COL8A2: variants seen among roughly 807,000 people sequenced by gnomAD.
The protein encoded by COL8A2 is collagen alpha-2(VIII) chain.
In COL8A2, 16 loss-of-function variants were observed where a neutral mutation model predicts 24.0. The ratio of observed to expected loss-of-function variants is 0.67; its 90% CI spans 0.45 to 1.01. COL8A2 has a LOEUF of 1.01. Among genes scored for constraint, COL8A2 ranks in the 50% least tolerant of loss-of-function variants. The pLI, the probability that COL8A2 is intolerant of heterozygous loss-of-function variation, is 0.00. For synonymous variants in COL8A2, 466 were observed against 424.5 expected (o/e 1.10, Z -1.20); for missense variants, 818 against 942.4 (o/e 0.87, Z 1.73).
chr1:36,101,916 C>T (rs1046850789), intron 2 of COL8A2, among the ~76,000 whole-genome samples: 6 of 151,902 alleles, frequency 3.9e-5, no homozygotes, highest in Non-Finnish European at 8.8e-5. Context: ...CAGCAGCTCA[C>T]GCCTGTAATC....
intron 2 of COL8A2, among the ~76,000 whole-genome samples, chr1:36,106,524 G>T (rs1380988516): frequency 6.6e-6 from 1 of 152,172 alleles, no homozygotes; most frequent in Non-Finnish European, 1.5e-5. Flanking sequence ...GATGGAAGGG[G>T]CAGAGTGTGT....
At position 36,096,882 on chromosome 1, in the gene COL8A2, C is replaced by T. The variant is rs1380082671; in HGVS notation, c.*687G>A. On this transcript the variant is annotated 3_prime_UTR_variant, in exon 4 of 4. Coordinates refer to ENST00000397799, the MANE Select transcript of COL8A2 (RefSeq NM_005202.4). ...GATGAACGTGAAGAGCTGCCTCCTGCCCCAGGTCTGTGCCCCAAGCCCTCA... is the reference window on the plus strand; with the variant it reads ...GATGAACGTGAAGAGCTGCCTCCTGTCCCAGGTCTGTGCCCCAAGCCCTCA... 2.0e-5 allele frequency: 3 copies of T among 152,946 alleles called. No homozygotes were observed. The highest frequency in any genetic ancestry group is 4.4e-5 in the Non-Finnish European group (3 of 68,634). 9.5% of individuals were successfully genotyped at this position (152,946 alleles called of 1,614,324 possible). A position where few individuals can be genotyped will look rare whatever the true frequency, so the allele number is the denominator to read the frequency against.
At chr1:36,122,075 C>T (rs189842670) in intron 1 of COL8A2, among the ~76,000 whole-genome samples, 21 of 152,294 alleles carry the variant, frequency 1.4e-4, no homozygotes, top group South Asian at 6.2e-4. Context: ...AATAGAAGCA[C>T]GGCCAGGTCC....
At chr1:36,101,089 T>C (rs1421499823) in intron 2 of COL8A2, among the ~76,000 whole-genome samples, 1 of 152,044 alleles carries the variant, frequency 6.6e-6, no homozygotes, top group African/African-American at 2.4e-5. Flanking sequence ...AGATGGAGTT[T>C]CGCCATGTTG....
chr1:36,103,774 AG>A (rs955397870), intron 2 of COL8A2, among the ~76,000 whole-genome samples: 5 of 151,240 alleles, frequency 3.3e-5, no homozygotes, highest in Non-Finnish European at 5.9e-5. Flanking sequence ...AATAGAGATG[AG>A]GGTTCACCAT....
At chr1:36,106,770 C>T (rs1249414507) in intron 2 of COL8A2, among the ~76,000 whole-genome samples, 10 of 152,174 alleles carry the variant, frequency 6.6e-5, no homozygotes, top group Admixed American at 5.9e-4. Context: ...CGCAAGCTGC[C>T]CACCTTTCCT....
chr1:36,100,310 C>G, intron 2 of COL8A2, 52 bp from the exon 3 acceptor site: 1 of 1,485,388 alleles, frequency 6.7e-7, no homozygotes, highest in Non-Finnish European at 9.1e-7. Flanking sequence ...TGGTTTGGCA[C>G]TAGGCCCGGG....
chr1:36,100,126 GGCATAGCCC>G lies in COL8A2; in HGVS notation c.108_116del (p.Gly37_Ala39del), dbSNP rs1369598223. On this transcript the variant is annotated inframe_deletion, in exon 3 of 4. Coordinates refer to ENST00000397799, the MANE Select transcript of COL8A2 (RefSeq NM_005202.4). ...GCATGGGCTGGATGTACTTCACTGGGGCATAGCCCGCCGCCCCACCGGCCCCGCCACCAG... is the reference window on the plus strand; with the variant it reads ...GCATGGGCTGGATGTACTTCACTGGGGCCGCCCCACCGGCCCCGCCACCAG... 2.5e-6 allele frequency: 4 copies of G among 1,612,768 alleles called. No individual in the cohort carries two copies. Among genetic ancestry groups the G allele is most frequent in the Non-Finnish European group, 3.4e-6 (4 of 1,179,568 alleles).
chr1:36,120,474 G>C (rs745590600), intron 1 of COL8A2, among the ~76,000 whole-genome samples: 57 of 151,496 alleles, frequency 3.8e-4, no homozygotes, highest in Non-Finnish European at 7.2e-4. Context: ...AAGAGGACGG[G>C]CACAATGGCT....
chr1:36,104,901 G>A (rs1010441661), intron 2 of COL8A2, among the ~76,000 whole-genome samples: 7 of 152,104 alleles, frequency 4.6e-5, no homozygotes, highest in African/African-American at 1.7e-4. Flanking sequence ...GCTCAGAGTG[G>A]GCTCCCATTA....
intron 2 of COL8A2, among the ~76,000 whole-genome samples, chr1:36,104,407 G>A (rs1482292880): frequency 1.3e-5 from 2 of 152,022 alleles, no homozygotes; most frequent in Non-Finnish European, 2.9e-5. Context: ...CAGGAGAATC[G>A]CTTGAACCAG....
chr1:36,099,253 C>A lies in COL8A2; in HGVS notation c.428G>T (p.Arg143Leu), dbSNP rs773423863. ...KVGPPGQPGL[R>L]GEPGIRGDQG... ...GTCCCCTCGTATTCCTGGCTCCCCC[C>A]GAAGCCCCGGCTGCCCTGGTGGCCC... Residue 143 changes from arginine to leucine, a missense_variant, in exon 4 of 4, where the codon CGG (arginine) becomes CTG (leucine). By Grantham distance (102) the Arg-to-Leu change is moderately radical. Coordinates refer to ENST00000397799, the MANE Select transcript of COL8A2 (RefSeq NM_005202.4). 1.9e-6 allele frequency: 3 copies of A among 1,548,668 alleles called. No individual in the cohort carries two copies.
At chr1:36,109,632 C>T (rs1172050448) in intron 2 of COL8A2, among the ~76,000 whole-genome samples, 2 of 150,714 alleles carry the variant, frequency 1.3e-5, no homozygotes, top group South Asian at 2.1e-4. Flanking sequence ...TGCAGTGGCA[C>T]GATCTCAGCT....
intron 1 of COL8A2, among the ~76,000 whole-genome samples, chr1:36,121,324 G>A (rs1356012796): frequency 7.2e-6 from 1 of 138,564 alleles, no homozygotes; most frequent in Non-Finnish European, 1.5e-5. Flanking sequence ...GGGAGGCGGA[G>A]GTTGCAGTGA....
intron 2 of COL8A2, among the ~76,000 whole-genome samples, chr1:36,105,067 G>A (rs971876136): frequency 6.6e-6 from 1 of 152,114 alleles, no homozygotes. Context: ...GGCGTCTGGG[G>A]ATGTGTGTGG....
chr1:36,109,374 A>C (rs907028966), intron 2 of COL8A2, among the ~76,000 whole-genome samples: 1 of 151,972 alleles, frequency 6.6e-6, no homozygotes, highest in African/African-American at 2.4e-5. Context: ...GGTGAACAGC[A>C]CTTCTGGCTC....
At chr1:36,107,375 G>T (rs1372695115) in intron 2 of COL8A2, among the ~76,000 whole-genome samples, 1 of 151,598 alleles carries the variant, frequency 6.6e-6, no homozygotes. Flanking sequence ...CTGCACTCCA[G>T]CCTGGGTGGC....
rs1363859273 is a variant in COL8A2 at position 36,097,789 on chromosome 1, G to A, written c.1892C>T (p.Thr631Ile). The stretch of plus-strand genomic sequence containing the variant: ...CTTGTACAGGGCCACCCACACGTTG[G>A]TGCCCTTGACGTGCACATGGTAAGC... Reference protein sequence around the residue: ...YFAYHVHVKGTNVWVALYKNN... With the variant: ...YFAYHVHVKGINVWVALYKNN... Residue 631 changes from threonine to isoleucine, a missense_variant, in exon 4 of 4, where the codon ACC becomes ATC. Around this residue, in one of 3 missense-constraint regions of COL8A2, gnomAD observed 235 missense variants for 297.3 expected, o/e 0.79. Coordinates refer to ENST00000397799, the MANE Select transcript of COL8A2 (RefSeq NM_005202.4). The A allele has an allele frequency of 1.9e-6, 3 of 1,613,726 alleles. No homozygotes were observed. The African/African-American group carries it at 4.0e-5, about 22-fold the overall frequency.
chr1:36,110,540 A>G (rs553644724), intron 2 of COL8A2, among the ~76,000 whole-genome samples: 1 of 148,868 alleles, frequency 6.7e-6, no homozygotes, highest in Non-Finnish European at 1.5e-5. Context: ...CCCAAGCTGG[A>G]GTGCAGTGAT....
Sources: gnomAD v4.1 joint callset for allele counts (sites outside exome capture counted in the v4.1 genomes callset) on GRCh38, gnomAD v4.1.1 for gene constraint, gnomAD v4.1.1 regional missense constraint, MANE v1.5 for transcripts, NCBI Gene and HGNC (gene_info 2026-07-23, HGNC 2026-07-21) for gene names.